The following GALNT14 variants were observed in gnomAD, a reference collection of about 807,000 sequenced individuals.
The protein encoded by GALNT14 is polypeptide N-acetylgalactosaminyltransferase 14.
A neutral mutation model predicts 77.5 loss-of-function variants in GALNT14; 60 were observed. The ratio of observed to expected loss-of-function variants is 0.77; its 90% confidence interval spans 0.63 to 0.96. GALNT14 has a LOEUF of 0.96. Ranked by LOEUF, GALNT14 falls within the 40% of genes least tolerant of loss-of-function variation. GALNT14 has a pLI of 0.00. For synonymous variants in GALNT14, 280 were observed against 281.7 expected (o/e 0.99, Z 0.06); for missense variants, 710 against 731.0 (o/e 0.97, Z 0.33).
Position 31,026,815 on chromosome 2 carries a change from G to A in GALNT14, c.130-33808C>T, listed in dbSNP as rs942264947. Among the ~76,000 whole-genome samples the A allele has an allele frequency of 4.6e-5, 7 of 152,292 alleles. No individual in the cohort carries two copies. The South Asian group carries it at 1.5e-3, about 32-fold the overall frequency. ...GTCCTGCTCATATACAAAGAAAAGG[G>A]ATTCTGCTCCAAGTCCACAGTCCTT... On this transcript the variant is annotated intron_variant, in intron 1 of 14. Transcript: ENST00000349752.
rs550210720 is a variant in GALNT14, at chr2:30,912,173, C to T, written c.1500+50G>A. The T allele has an allele frequency of 2.2e-5, 36 of 1,604,846 alleles. No homozygotes were observed. In the South Asian group the frequency reaches 3.7e-4, roughly 16 times the overall value. On this transcript the variant is annotated intron_variant, in intron 14 of 14. Transcript: ENST00000349752. ...CTCATCAGACTAAGCCCTCAACAGG[C>T]AGTCACATTACGGAGTTGGCCACAT...
chr2:30,942,429 G>C lies in GALNT14; in HGVS notation c.828-125C>G, dbSNP rs1014659041. On this transcript the variant is annotated intron_variant, in intron 8 of 14. Transcript: ENST00000349752. ...GGGAAAGAAAACCCCATTGAGGGAA[G>C]AAAACTCTCATTTTCTTCCCATTTC... 9.1e-6 allele frequency: 6 copies of C among 661,680 alleles called. No homozygotes were observed. The Admixed American group carries it at 1.6e-4, about 18-fold the overall frequency. The allele number at this position is 661,680 out of a possible 1,614,324, so 41.0% of individuals were successfully genotyped here. A position where few individuals can be genotyped will look rare whatever the true frequency, so the allele number is the denominator to read the frequency against.
intron 1 of GALNT14, among the ~76,000 whole-genome samples, chr2:31,103,607 A>G (rs1677401887): frequency 6.6e-6 from 1 of 152,076 alleles, no homozygotes; most frequent in East Asian, 1.9e-4. Context: ...AGTGTCTACC[A>G]TTTATTAAGT....
chr2:30,920,392 G>A (rs1558403945), intron 13 of GALNT14, among the ~76,000 whole-genome samples: 1 of 152,292 alleles, frequency 6.6e-6, no homozygotes, highest in Non-Finnish European at 1.5e-5. Context: ...ACCATGTTTA[G>A]GGGTTTGAGG....
At chr2:31,126,093 CA>C (rs1158849964) in intron 1 of GALNT14, among the ~76,000 whole-genome samples, 1 of 152,158 alleles carries the variant, frequency 6.6e-6, no homozygotes, top group East Asian at 1.9e-4. Context: ...GCGGTGAAAG[CA>C]CAAAATATTT....
rs1244501104 is a variant in GALNT14, at chr2:31,138,275, G to A, written c.-189C>T. The A allele has an allele frequency of 2.9e-6, 2 of 681,774 alleles. No homozygotes were observed. The highest frequency in any genetic ancestry group is 2.8e-5 in the East Asian group (1 of 35,532). 42.2% of individuals were successfully genotyped at this position (681,774 alleles called of 1,614,324 possible). A position where few individuals can be genotyped will look rare whatever the true frequency, so the allele number is the denominator to read the frequency against. ...TTCGAAGAGAAGCGAGCCTGGGTGG[G>A]GGGTGCAGGGCGACCCGAAACGTGG... On this transcript the variant is annotated 5_prime_UTR_variant, in exon 1 of 15. Transcript: ENST00000349752.
chr2:31,007,822 A>G (rs1000231991), intron 1 of GALNT14, among the ~76,000 whole-genome samples: 4 of 152,160 alleles, frequency 2.6e-5, no homozygotes, highest in Admixed American at 2.6e-4. Flanking sequence ...TGAGTATCTA[A>G]ACAAATTTCC....
chr2:31,110,454 G>A (rs1677777841), intron 1 of GALNT14, among the ~76,000 whole-genome samples: 1 of 152,192 alleles, frequency 6.6e-6, no homozygotes, highest in East Asian at 1.9e-4. Flanking sequence ...CCTCCAATGA[G>A]CAAAATCAGA....
chr2:31,070,500 T>C (rs1223296836), intron 1 of GALNT14, among the ~76,000 whole-genome samples: 1 of 152,120 alleles, frequency 6.6e-6, no homozygotes, highest in Non-Finnish European at 1.5e-5. Context: ...AGCTTGCACT[T>C]AGGCTCCCCA....
intron 13 of GALNT14, among the ~76,000 whole-genome samples, chr2:30,913,196 T>G (rs2148199769): frequency 6.6e-6 from 1 of 152,222 alleles, no homozygotes. Flanking sequence ...GGCATAAGCG[T>G]TTTCTCCCCC....
intron 2 of GALNT14, among the ~76,000 whole-genome samples, chr2:30,980,383 C>T (rs1273304210): frequency 1.3e-5 from 2 of 152,254 alleles, no homozygotes; most frequent in Non-Finnish European, 2.9e-5. Flanking sequence ...TGGGTGACTG[C>T]AGCAGGCCCC....
chr2:30,992,553 G>A (rs868454002), intron 2 of GALNT14, among the ~76,000 whole-genome samples: 5 of 152,152 alleles, frequency 3.3e-5, no homozygotes, highest in East Asian at 1.9e-4. Context: ...CTATGGGTTC[G>A]TGTCAAATGA....
chr2:31,078,399 C>T (rs1189811508), intron 1 of GALNT14, among the ~76,000 whole-genome samples: 3 of 152,156 alleles, frequency 2.0e-5, no homozygotes, highest in African/African-American at 4.8e-5. Context: ...TGGGCCTTCC[C>T]CTTATTAAAG....
At chr2:31,055,715 C>T (rs961198048) in intron 1 of GALNT14, among the ~76,000 whole-genome samples, 1 of 152,196 alleles carries the variant, frequency 6.6e-6, no homozygotes. Context: ...TTGAAAAGGA[C>T]TGAACAGTGG....
rs113103653 is a variant in GALNT14, at chr2:30,990,764, T to C, written c.299+2074A>G. ...GCACATTCAGAGTAAGTTCTTTAAG[T>C]GTGAAATTCTCTGAGTAACACAATC... On this transcript the variant is annotated intron_variant, in intron 2 of 14. Coordinates refer to ENST00000349752, the MANE Select transcript of GALNT14 (RefSeq NM_024572.4). 7.1e-3 allele frequency among the ~76,000 whole-genome samples: 1,087 copies of C among 152,296 alleles called. 8 individuals carry two copies. The highest frequency in any genetic ancestry group is 0.024 in the African/African-American group (1,016 of 41,564).
At chr2:31,019,270 G>T (rs1325498527) in intron 1 of GALNT14, among the ~76,000 whole-genome samples, 1 of 152,174 alleles carries the variant, frequency 6.6e-6, no homozygotes, top group African/African-American at 2.4e-5. Flanking sequence ...TTGAAATAAT[G>T]TCGTCTTAAT....
the GALNT14 span, among the ~76,000 whole-genome samples, chr2:30,899,503 T>C: frequency 1.8e-3 from 271 of 152,214 alleles, no homozygotes; most frequent in African/African-American, 5.3e-3. Flanking sequence ...CCAGGTAATA[T>C]TTACTGGCTC....
At chr2:30,917,569 C>T (rs1326172484) in intron 13 of GALNT14, among the ~76,000 whole-genome samples, 2 of 152,218 alleles carry the variant, frequency 1.3e-5, no homozygotes, top group African/African-American at 4.8e-5. Flanking sequence ...ATGGGCAGGA[C>T]AGCACTGCTG....
At chr2:30,939,493 G>A (rs1412282928) in intron 9 of GALNT14, among the ~76,000 whole-genome samples, 2 of 152,192 alleles carry the variant, frequency 1.3e-5, no homozygotes, top group Non-Finnish European at 2.9e-5. Context: ...GGCAGGCAAG[G>A]CCATGGGAGG....
Sources: gnomAD v4.1 joint callset for allele counts (sites outside exome capture counted in the v4.1 genomes callset) on GRCh38, gnomAD v4.1.1 for gene constraint, MANE v1.5 for transcripts, NCBI Gene and HGNC (gene_info 2026-07-23, HGNC 2026-07-21) for gene names.